The following GALNTL6 variants were observed in gnomAD, a reference collection of about 807,000 sequenced individuals.
The protein encoded by GALNTL6 is polypeptide N-acetylgalactosaminyltransferase-like 6.
In GALNTL6, 46 loss-of-function variants were observed where a neutral mutation model predicts 73.7. The observed-to-expected ratio is 0.62, with a 90% CI of 0.49 to 0.80. GALNTL6 has a LOEUF of 0.80. Among genes scored for constraint, GALNTL6 ranks in the 30% least tolerant of loss-of-function variants. The pLI, the probability that GALNTL6 is intolerant of heterozygous loss-of-function variation, is 0.00. For synonymous variants in GALNTL6, 259 were observed against 263.7 expected (o/e 0.98, Z 0.17); for missense variants, 604 against 755.0 (o/e 0.80, Z 2.34).
chr4:172,206,814 G>GTTTTTT (rs796625697), intron 2 of GALNTL6, among the ~76,000 whole-genome samples: 26 of 57,990 alleles, frequency 4.5e-4, no homozygotes, highest in African/African-American at 1.3e-3. Flanking sequence ...TGTTTTTTTT[G>GTTTTTT]TTTGTTTTTT....
chr4:172,744,456 A>G (rs1318237673), intron 5 of GALNTL6, among the ~76,000 whole-genome samples: 2 of 152,116 alleles, frequency 1.3e-5, no homozygotes, highest in Non-Finnish European at 2.9e-5. Context: ...AAGGAGATAC[A>G]TGTCTGTGTA....
At chr4:172,515,395 C>A (rs1270427620) in intron 5 of GALNTL6, among the ~76,000 whole-genome samples, 1 of 152,224 alleles carries the variant, frequency 6.6e-6, no homozygotes, top group African/African-American at 2.4e-5. Context: ...GCGCTCCTCT[C>A]CCTTGGGCTT....
intron 2 of GALNTL6, among the ~76,000 whole-genome samples, chr4:172,014,841 C>T (rs2110787223): frequency 6.6e-6 from 1 of 152,090 alleles, no homozygotes; most frequent in African/African-American, 2.4e-5. Context: ...ATTTAATTTG[C>T]ATGTATTTGT....
At chr4:172,316,218 T>C (rs560511442) in intron 4 of GALNTL6, among the ~76,000 whole-genome samples, 41 of 152,256 alleles carry the variant, frequency 2.7e-4, no homozygotes, top group African/African-American at 8.4e-4. Flanking sequence ...ACCATTCTAA[T>C]AGGAGAGTTG....
intron 2 of GALNTL6, among the ~76,000 whole-genome samples, chr4:171,843,869 A>T (rs1335353645): frequency 2.6e-5 from 4 of 152,194 alleles, no homozygotes; most frequent in African/African-American, 9.6e-5. Context: ...CTGATTTTCT[A>T]TTAATGATTA....
intron 5 of GALNTL6, among the ~76,000 whole-genome samples, chr4:172,773,959 G>A (rs948708744): frequency 2.9e-5 from 4 of 136,336 alleles, no homozygotes; most frequent in Non-Finnish European, 6.4e-5. Flanking sequence ...TATTGTGATA[G>A]TTTAAAAGAG....
At chr4:172,589,428 A>G (rs887776324) in intron 5 of GALNTL6, among the ~76,000 whole-genome samples, 1 of 152,214 alleles carries the variant, frequency 6.6e-6, no homozygotes, top group Non-Finnish European at 1.5e-5. Flanking sequence ...GTAAAGAAGT[A>G]TTGGATCTCA....
At chr4:172,629,759 G>A (rs551395657) in intron 5 of GALNTL6, among the ~76,000 whole-genome samples, 1 of 152,250 alleles carries the variant, frequency 6.6e-6, no homozygotes, top group East Asian at 1.9e-4. Flanking sequence ...TTCCAATGAT[G>A]ATGTAGAACA....
intron 2 of GALNTL6, among the ~76,000 whole-genome samples, chr4:171,995,852 T>C (rs1335309600): frequency 1.3e-5 from 2 of 152,072 alleles, no homozygotes; most frequent in Non-Finnish European, 2.9e-5. Context: ...CCATGTACCA[T>C]GTGCTACACA....
At chr4:172,337,574 C>T (rs778657904) in intron 4 of GALNTL6, among the ~76,000 whole-genome samples, 3 of 151,818 alleles carry the variant, frequency 2.0e-5, no homozygotes, top group Non-Finnish European at 4.4e-5. Context: ...TTTAAGAGTG[C>T]TGGCTATAGG....
intron 2 of GALNTL6, among the ~76,000 whole-genome samples, chr4:172,026,573 A>T (rs1741586405): frequency 6.6e-6 from 1 of 152,146 alleles, no homozygotes; most frequent in Non-Finnish European, 1.5e-5. Flanking sequence ...CATATATAGT[A>T]TTTCATTATT....
chr4:172,564,494 A>G (rs1349789099), intron 5 of GALNTL6, among the ~76,000 whole-genome samples: 1 of 152,210 alleles, frequency 6.6e-6, no homozygotes, highest in Non-Finnish European at 1.5e-5. Flanking sequence ...GCACATTATA[A>G]GGATATTTAA....
intron 8 of GALNTL6, among the ~76,000 whole-genome samples, chr4:172,925,072 C>T (rs1224883665): frequency 1.3e-5 from 2 of 151,680 alleles, no homozygotes; most frequent in African/African-American, 4.8e-5. Context: ...CGGGGTTTCA[C>T]TGTGTTAGCC....
At chr4:172,502,696 A>T (rs935401316) in intron 5 of GALNTL6, among the ~76,000 whole-genome samples, 1 of 152,262 alleles carries the variant, frequency 6.6e-6, no homozygotes, top group Non-Finnish European at 1.5e-5. Flanking sequence ...AACTACCTTT[A>T]GTAAAGACAT....
At chr4:172,308,168 AATTTTTACTG>A (rs774536926) in intron 3 of GALNTL6, among the ~76,000 whole-genome samples, 17 of 57,340 alleles carry the variant, frequency 3.0e-4, no homozygotes, top group Non-Finnish European at 5.7e-4. Flanking sequence ...CCAGTAAATG[AATTTTTACTG>A]TTTACTGGTA....
chr4:172,821,112 C>T (rs747817920), intron 7 of GALNTL6, among the ~76,000 whole-genome samples: 1 of 152,126 alleles, frequency 6.6e-6, no homozygotes, highest in Non-Finnish European at 1.5e-5. Context: ...AGCACTTCAC[C>T]GTATGTAAAG....
At chr4:172,491,880 GA>G (rs1733908164) in intron 5 of GALNTL6, among the ~76,000 whole-genome samples, 1 of 152,150 alleles carries the variant, frequency 6.6e-6, no homozygotes, top group Non-Finnish European at 1.5e-5. Flanking sequence ...TATGGAAATT[GA>G]AAGATGAATA....
chr4:172,554,062 G>C (rs929691749), intron 5 of GALNTL6, among the ~76,000 whole-genome samples: 2 of 152,078 alleles, frequency 1.3e-5, no homozygotes, highest in African/African-American at 4.8e-5. Flanking sequence ...GTACCAGCTT[G>C]GGCTCAGCAT....
intron 2 of GALNTL6, among the ~76,000 whole-genome samples, chr4:172,026,185 A>G (rs1427618006): frequency 6.6e-6 from 1 of 151,088 alleles, no homozygotes; most frequent in African/African-American, 2.4e-5. Flanking sequence ...TCCTATGAAC[A>G]ATATTGCATT....
Sources: gnomAD v4.1 joint callset for allele counts (sites outside exome capture counted in the v4.1 genomes callset) on GRCh38, gnomAD v4.1.1 for gene constraint, MANE v1.5 for transcripts, NCBI Gene and HGNC (gene_info 2026-07-23, HGNC 2026-07-21) for gene names.